CARS1: variants seen among roughly 807,000 people sequenced by gnomAD.
CARS1 encodes cysteinyl-tRNA synthetase 1.
CARS1 carries 48 observed loss-of-function variants against 106.2 expected under a neutral mutation model. The observed-to-expected ratio is 0.45, with a 90% CI of 0.36 to 0.57. The LOEUF is 0.57. Ranked by LOEUF, CARS1 falls within the 20% of genes least tolerant of loss-of-function variation. The pLI, the probability that CARS1 is intolerant of heterozygous loss-of-function variation, is 0.00. For missense variants in CARS1, 968 were observed against 1,057.2 expected (o/e 0.92, Z 1.17); for synonymous variants, 409 against 403.4 (o/e 1.01, Z -0.17).
chr11:3,040,082 T>A lies in CARS1; in HGVS notation c.456-151A>T, dbSNP rs1321750779. On this transcript the variant is annotated intron_variant, in intron 4 of 22. Transcript: ENST00000380525. The surrounding 1 kb of genome is among the most constrained non-coding windows in gnomAD (Gnocchi z 5.8). ...AGACCCCCCCTTCTCCTCCTCAGTC[T>A]ACTCAACGTGAAGATGGCAAGGATG... 9.0e-6 allele frequency: 5 copies of A among 554,286 alleles called. No individual in the cohort carries two copies. Among genetic ancestry groups the A allele is most frequent in the Non-Finnish European group, 1.6e-5 (5 of 317,218 alleles). 34.3% of individuals were successfully genotyped at this position (554,286 alleles called of 1,614,324 possible). A position where few individuals can be genotyped will look rare whatever the true frequency, so the allele number is the denominator to read the frequency against.
In CARS1 at chr11:3,003,833, G is replaced by A. The variant is rs1849614270; in HGVS notation, c.2218-1233C>T. ...AGAGGCAGGACCCCTCCCCCATGGT[G>A]CCTCGGGCCTGGGGATGCCTTCTTG... On this transcript the variant is annotated intron_variant, in intron 20 of 22. Coordinates refer to ENST00000380525, the MANE Select transcript of CARS1 (RefSeq NM_001014437.3). This position sits in a 1 kb window ranked among gnomAD's most constrained non-coding sequence, Gnocchi z 4.8. 6.6e-6 allele frequency among the ~76,000 whole-genome samples: 1 copy of A among 152,150 alleles called. No individual in the cohort carries two copies. The highest frequency in any genetic ancestry group is 2.4e-5 in the African/African-American group (1 of 41,418).
chr11:3,026,311 T>C (rs987958177), intron 10 of CARS1, among the ~76,000 whole-genome samples: 1 of 152,168 alleles, frequency 6.6e-6, no homozygotes, highest in Non-Finnish European at 1.5e-5. Flanking sequence ...ACCAAAACAT[T>C]TGTTGTATAT....
chr11:3,038,276 GA>G lies in CARS1; in HGVS notation c.652-78del. The G allele has an allele frequency of 2.1e-6, 3 of 1,396,704 alleles. No individual in the cohort carries two copies. The highest frequency in any genetic ancestry group is 3.0e-6 in the Non-Finnish European group (3 of 997,128). 86.5% of individuals were successfully genotyped at this position (1,396,704 alleles called of 1,614,324 possible). A position where few individuals can be genotyped will look rare whatever the true frequency, so the allele number is the denominator to read the frequency against. On this transcript the variant is annotated intron_variant, in intron 6 of 22. Coordinates refer to ENST00000380525, the MANE Select transcript of CARS1 (RefSeq NM_001014437.3). The surrounding 1 kb of genome is among the most constrained non-coding windows in gnomAD (Gnocchi z 4.0). ...AAATTCATAAAGGTGATTCCAGGTA[GA>G]AAACAGAACGGTTTTTCCCATGGCC...
Position 3,038,547 on chromosome 11 carries a change from T to A in CARS1, c.652-348A>T, listed in dbSNP as rs1007575502. Among the ~76,000 whole-genome samples the A allele has an allele frequency of 2.6e-5, 4 of 152,180 alleles. No homozygotes were observed. Among genetic ancestry groups the A allele is most frequent in the African/African-American group, 9.7e-5 (4 of 41,416 alleles). On this transcript the variant is annotated intron_variant, in intron 6 of 22. Transcript: ENST00000380525. The surrounding 1 kb of genome is among the most constrained non-coding windows in gnomAD (Gnocchi z 4.0). Reference sequence around the variant, plus strand: ...TGTTCTGAGGTGTGCTGCAGACACATCCATCAGGAAGGTACTCAGGCCTCA... The same window carrying A: ...TGTTCTGAGGTGTGCTGCAGACACAACCATCAGGAAGGTACTCAGGCCTCA...
intron 10 of CARS1, among the ~76,000 whole-genome samples, chr11:3,024,591 G>A (rs1851873786): frequency 6.6e-6 from 1 of 152,182 alleles, no homozygotes; most frequent in South Asian, 2.1e-4. Flanking sequence ...GGGACTATAG[G>A]CACGTGCCAC....
rs898084087 is a variant in CARS1, at chr11:3,034,822, C to T, written c.801+3228G>A. On this transcript the variant is annotated intron_variant, in intron 7 of 22. Transcript: ENST00000380525. This position sits in a 1 kb window ranked among gnomAD's most constrained non-coding sequence, Gnocchi z 6.3. ...GTGCTGGGATTACAGGCATGAGCCA[C>T]GATGCCCTGCCTGGGAATGGGTAAT... Among the ~76,000 whole-genome samples, 1 of 152,220 alleles carries T rather than the reference C, an allele frequency of 6.6e-6. No homozygotes were observed. Among genetic ancestry groups the T allele is most frequent in the African/African-American group, 2.4e-5 (1 of 41,460 alleles).
intron 16 of CARS1, among the ~76,000 whole-genome samples, chr11:3,016,312 C>T (rs1001533141): frequency 6.6e-6 from 1 of 151,738 alleles, no homozygotes; most frequent in Non-Finnish European, 1.5e-5. Context: ...GCTCTGCCTC[C>T]TGGGTTCATG....
chr11:3,040,576 C>G lies in CARS1; in HGVS notation c.455+320G>C. The stretch of plus-strand genomic sequence containing the variant: ...GGGAACTCAGCATCTGGGGACCCCA[C>G]GAGAGCTTGAGGGATGAGAGAAAAC... On this transcript the variant is annotated intron_variant, in intron 4 of 22. Transcript: ENST00000380525. The surrounding 1 kb of genome is among the most constrained non-coding windows in gnomAD (Gnocchi z 5.8). 1 of 522,904 alleles carries G rather than the reference C, an allele frequency of 1.9e-6. No individual in the cohort carries two copies. Among genetic ancestry groups the G allele is most frequent in the Non-Finnish European group, 3.7e-6 (1 of 271,172 alleles). The allele number at this position is 522,904 out of a possible 1,614,324, so 32.4% of individuals were successfully genotyped here.
Position 3,001,224 on chromosome 11 carries a change from C to A in CARS1, c.2386G>T (p.Gly796Cys), listed in dbSNP as rs759833530. The A allele has an allele frequency of 2.5e-6, 4 of 1,613,912 alleles. No individual in the cohort carries two copies. Among genetic ancestry groups the A allele is most frequent in the Non-Finnish European group, 2.5e-6 (3 of 1,180,036 alleles). ...GCTTGCCCTTTGCTGAGCTCTTTGC[C>A]CTCCATGTCATGTGTGGGCAGACCC... ...ENGLPTHDME[G>C]KELSKGQAKK... The change falls in exon 23 of 23, where the codon GGC becomes TGC. Residue 796 changes from glycine (G) to cysteine (C), a missense_variant. Gly to Cys is a radical substitution (Grantham distance 159, BLOSUM62 -3). Transcript: ENST00000380525.
In CARS1 at chr11:3,053,384, C is replaced by T. The variant is rs1337353935; in HGVS notation, c.25+3959G>A. 3.9e-5 allele frequency among the ~76,000 whole-genome samples: 6 copies of T among 152,092 alleles called. No individual in the cohort carries two copies. Among genetic ancestry groups the T allele is most frequent in the Non-Finnish European group, 7.4e-5 (5 of 68,018 alleles). The stretch of plus-strand genomic sequence containing the variant: ...TAGCTGGGATTACAGGTGCCCGCCA[C>T]CATGCCCAGCTAATTTTTGTATTTT... On this transcript the variant is annotated intron_variant, in intron 1 of 22. Coordinates refer to ENST00000380525, the MANE Select transcript of CARS1 (RefSeq NM_001014437.3). The surrounding 1 kb of genome is among the most constrained non-coding windows in gnomAD (Gnocchi z 6.6).
At position 3,039,755 on chromosome 11, in the gene CARS1, T is replaced by C. The variant is rs556358420; in HGVS notation, c.552+80A>G. 2.5e-4 allele frequency: 176 copies of C among 691,842 alleles called. No individual in the cohort carries two copies. In the African/African-American group the frequency reaches 3.0e-3, roughly 12 times the overall value. The allele number at this position is 691,842 out of a possible 1,614,324, so 42.9% of individuals were successfully genotyped here. A position where few individuals can be genotyped will look rare whatever the true frequency, so the allele number is the denominator to read the frequency against. ...AAACACAAGCTAGCTCAAGCCTACA[T>C]TATTTACTTATGCGAAAGTTCTATC... On this transcript the variant is annotated intron_variant, in intron 5 of 22. Coordinates refer to ENST00000380525, the MANE Select transcript of CARS1 (RefSeq NM_001014437.3). This position sits in a 1 kb window ranked among gnomAD's most constrained non-coding sequence, Gnocchi z 5.6.
chr11:3,013,899 G>A (rs1850741691), intron 17 of CARS1, among the ~76,000 whole-genome samples: 1 of 152,168 alleles, frequency 6.6e-6, no homozygotes, highest in African/African-American at 2.4e-5. Flanking sequence ...TAGCTCAGCG[G>A]CCACGACACA....
In CARS1 at chr11:3,029,053, C is replaced by A; in HGVS notation, c.974G>T (p.Ser325Ile). The A allele has an allele frequency of 6.2e-7, 1 of 1,613,946 alleles. No individual in the cohort carries two copies. The highest frequency in any genetic ancestry group is 8.5e-7 in the Non-Finnish European group (1 of 1,179,810). The change falls in exon 9 of 23, where the codon AGT becomes ATT. Residue 325 changes from serine (S) to isoleucine (I), a missense_variant. Coordinates refer to ENST00000380525, the MANE Select transcript of CARS1 (RefSeq NM_001014437.3). This position sits in a 1 kb window ranked among gnomAD's most constrained non-coding sequence, Gnocchi z 5.9. The stretch of plus-strand genomic sequence containing the variant: ...GTTCACAATTTCTGGCACATACTCA[C>A]TAACCCGGGTTAAGACATCTGGAGG... ...VLPPDVLTRV[S>I]EYVPEIVNFV...
In CARS1 at chr11:3,018,525, C is replaced by G. The variant is rs1241386298; in HGVS notation, c.1526-14G>C. On this transcript the variant is annotated splice_polypyrimidine_tract_variant and intron_variant, in intron 13 of 22. Transcript: ENST00000380525. ...GCAACTGCCGTGCTGTGGGGGGACA[C>G]AAGACAGCCAACGCCCTTATTCTCC... The G allele has an allele frequency of 1.2e-6, 2 of 1,613,234 alleles. No individual in the cohort carries two copies. Among genetic ancestry groups the G allele is most frequent in the Non-Finnish European group, 1.7e-6 (2 of 1,179,310 alleles).
In CARS1 at chr11:3,004,411, C is replaced by T. The variant is rs1329498169; in HGVS notation, c.2217+955G>A. On this transcript the variant is annotated intron_variant, in intron 20 of 22. Coordinates refer to ENST00000380525, the MANE Select transcript of CARS1 (RefSeq NM_001014437.3). This position sits in a 1 kb window ranked among gnomAD's most constrained non-coding sequence, Gnocchi z 5.2. ...TACATCCCATCTATCAATCAACCAC[C>T]CTGTCGATTCTCCTTCCTCAGTTCC... 1.3e-5 allele frequency among the ~76,000 whole-genome samples: 2 copies of T among 152,206 alleles called. No homozygotes were observed. Among genetic ancestry groups the T allele is most frequent in the Non-Finnish European group, 2.9e-5 (2 of 68,042 alleles).
chr11:3,014,667 C>T (rs933118147), intron 17 of CARS1, among the ~76,000 whole-genome samples: 1 of 152,164 alleles, frequency 6.6e-6, no homozygotes, highest in Non-Finnish European at 1.5e-5. Context: ...CTTAAAAGCA[C>T]CAAAGAAGGT....
In CARS1 at chr11:3,001,212, T is replaced by C; in HGVS notation, c.2398A>G (p.Ser800Gly). Residue 800 changes from serine to glycine, a missense_variant, in exon 23 of 23, where the codon AGC becomes GGC. Ser to Gly is a moderately conservative substitution (Grantham distance 56). Coordinates refer to ENST00000380525, the MANE Select transcript of CARS1 (RefSeq NM_001014437.3). ...TTCAGCTTCTTGGCTTGCCCTTTGC[T>C]GAGCTCTTTGCCCTCCATGTCATGT... The part of the protein sequence containing the change: ...PTHDMEGKEL[S>G]KGQAKKLKKL... 2 of 1,614,036 alleles carry C rather than the reference T, an allele frequency of 1.2e-6. No homozygotes were observed. Among genetic ancestry groups the C allele is most frequent in the Non-Finnish European group, 1.7e-6 (2 of 1,180,034 alleles).
intron 22 of CARS1, 30 bp from the exon 23 acceptor site, chr11:3,001,278 T>C: frequency 6.2e-7 from 1 of 1,610,506 alleles, no homozygotes; most frequent in Non-Finnish European, 8.5e-7. Context: ...CGGCTATTGG[T>C]CTCCTCTGCA....
At position 3,029,492 on chromosome 11, in the gene CARS1, G is replaced by A. The variant is rs536890310; in HGVS notation, c.802-49C>T. On this transcript the variant is annotated intron_variant, in intron 7 of 22. Transcript: ENST00000380525. The surrounding 1 kb of genome is among the most constrained non-coding windows in gnomAD (Gnocchi z 5.9). ...CAGCAGCGGGCCACACACTTCACAT[G>A]AGAACATCTCGTGCAGCTGGTGTGA... The A allele has an allele frequency of 6.2e-7, 1 of 1,600,234 alleles. No homozygotes were observed. Among genetic ancestry groups the A allele is most frequent in the Admixed American group, 1.7e-5 (1 of 59,776 alleles).
Sources: allele counts gnomAD v4.1 joint callset (sites outside exome capture counted in the v4.1 genomes callset), GRCh38; gene constraint gnomAD v4.1.1; non-coding constraint Gnocchi (gnomAD v3.1); transcripts MANE v1.5; gene names NCBI Gene and HGNC (gene_info 2026-07-23, HGNC 2026-07-21).